The following COL25A1 variants were observed in gnomAD, a reference collection of about 807,000 sequenced individuals.
COL25A1 encodes the protein collagen type XXV alpha 1 chain.
A neutral mutation model predicts 128.4 loss-of-function variants in COL25A1; 103 were observed. The observed-to-expected ratio is 0.80, with a 90% CI of 0.68 to 0.94. COL25A1 has a LOEUF of 0.94. Among genes scored for constraint, COL25A1 ranks in the 40% least tolerant of loss-of-function variants. The pLI is 0.00. For synonymous variants in COL25A1, 279 were observed against 277.2 expected (o/e 1.01, Z -0.06); for missense variants, 745 against 840.0 (o/e 0.89, Z 1.40).
At chr4:109,127,058 G>A (rs1768691330) in intron 3 of COL25A1, among the ~76,000 whole-genome samples, 2 of 152,142 alleles carry the variant, frequency 1.3e-5, no homozygotes, top group African/African-American at 4.8e-5. Flanking sequence ...TCAGAAGAGT[G>A]AATAAGAATT....
intron 8 of COL25A1, among the ~76,000 whole-genome samples, chr4:108,970,325 C>T (rs1464236518): frequency 2.0e-5 from 3 of 152,174 alleles, no homozygotes; most frequent in Non-Finnish European, 2.9e-5. Flanking sequence ...ATTCAAAATG[C>T]TCCATAATAT....
At chr4:109,073,456 C>A (rs769034946) in intron 3 of COL25A1, among the ~76,000 whole-genome samples, 9 of 152,136 alleles carry the variant, frequency 5.9e-5, no homozygotes, top group Non-Finnish European at 1.2e-4. Context: ...TGTATTTACT[C>A]AAAAATAATA....
At chr4:108,987,628 C>T (rs994404493) in intron 6 of COL25A1, among the ~76,000 whole-genome samples, 2 of 152,166 alleles carry the variant, frequency 1.3e-5, no homozygotes, top group Admixed American at 6.5e-5. Flanking sequence ...CCCGCCTCTG[C>T]GTCCCAAAGT....
At chr4:109,032,994 T>C (rs1435554556) in intron 5 of COL25A1, among the ~76,000 whole-genome samples, 1 of 152,186 alleles carries the variant, frequency 6.6e-6, no homozygotes, top group Non-Finnish European at 1.5e-5. Context: ...GTATTAATAA[T>C]TGGTGTGCAC....
chr4:109,291,373 T>A (rs899725318), intron 3 of COL25A1, among the ~76,000 whole-genome samples: 2 of 152,138 alleles, frequency 1.3e-5, no homozygotes, highest in African/African-American at 2.4e-5. Context: ...TATGTGCAAT[T>A]CATGTATTCT....
chr4:109,211,445 C>A (rs1777554457), intron 3 of COL25A1, among the ~76,000 whole-genome samples: 1 of 110,282 alleles, frequency 9.1e-6, no homozygotes, highest in South Asian at 2.8e-4. Flanking sequence ...TCACTCTGAG[C>A]CTTCCTTAAT....
chr4:108,850,671 C>T (rs140486048), intron 26 of COL25A1, among the ~76,000 whole-genome samples: 2 of 152,162 alleles, frequency 1.3e-5, no homozygotes, highest in East Asian at 1.9e-4. Context: ...ATAATTGTAC[C>T]TTTACTTGCC....
chr4:109,086,881 T>G (rs553071801), intron 3 of COL25A1, among the ~76,000 whole-genome samples: 1 of 152,194 alleles, frequency 6.6e-6, no homozygotes, highest in Admixed American at 6.5e-5. Flanking sequence ...CCCACAGCAT[T>G]ATCAAAATAC....
At position 109,236,239 on chromosome 4, in the gene COL25A1, T is replaced by C. The variant is rs185685861; in HGVS notation, c.367+64344A>G. On this transcript the variant is annotated intron_variant, in intron 3 of 37. Coordinates refer to ENST00000399132, the MANE Select transcript of COL25A1 (RefSeq NM_198721.4). ...TCACTTTAAATTAGAAGCTCCCATA[T>C]GCATTTAAAACATTTAATTTATAAA... is the stretch of plus-strand genomic sequence containing the variant. Among the ~76,000 whole-genome samples, 1,103 of 152,218 alleles carry C rather than the reference T, an allele frequency of 7.2e-3. 19 individuals carry two copies. Among genetic ancestry groups the C allele is most frequent in the African/African-American group, 0.025 (1,046 of 41,568 alleles).
intron 3 of COL25A1, among the ~76,000 whole-genome samples, chr4:109,100,664 T>G (rs1765812496): frequency 6.6e-6 from 1 of 152,192 alleles, no homozygotes. Context: ...AATCTCTTCT[T>G]TAACACCTTT....
At position 108,810,813 on chromosome 4, in the gene COL25A1, C is replaced by A. The variant is rs117649889; in HGVS notation, c.*3114G>T. 1 of 151,818 alleles carries A rather than the reference C, an allele frequency of 6.6e-6. No individual in the cohort carries two copies. The highest frequency in any genetic ancestry group is 2.4e-5 in the African/African-American group (1 of 41,356). The allele number at this position is 151,818 out of a possible 1,614,324, so 9.4% of individuals were successfully genotyped here. ...ACCATAATTATAGCAAATTCATGAA[C>A]TTTAAAAATAAAATAACACACTAAT... On this transcript the variant is annotated 3_prime_UTR_variant, in exon 38 of 38. Coordinates refer to ENST00000399132, the MANE Select transcript of COL25A1 (RefSeq NM_198721.4).
chr4:109,102,194 C>T (rs1037116543), intron 3 of COL25A1, among the ~76,000 whole-genome samples: 1 of 151,994 alleles, frequency 6.6e-6, no homozygotes, highest in Non-Finnish European at 1.5e-5. Context: ...ATGTATTTTA[C>T]ATGTAAAATA....
chr4:108,838,169 C>T, intron 31 of COL25A1: 3 of 1,550,226 alleles, frequency 1.9e-6, no homozygotes, highest in Non-Finnish European at 2.6e-6. Flanking sequence ...CCATTTAACC[C>T]TGGTTCACCC....
chr4:109,071,617 C>T (rs1471624049), intron 3 of COL25A1, among the ~76,000 whole-genome samples: 1 of 152,034 alleles, frequency 6.6e-6, no homozygotes, highest in Non-Finnish European at 1.5e-5. Context: ...AACAAACAAC[C>T]CCATCAAAAA....
intron 6 of COL25A1, among the ~76,000 whole-genome samples, chr4:109,002,864 C>G (rs753669856): frequency 1.4e-4 from 22 of 151,974 alleles, no homozygotes; most frequent in Non-Finnish European, 3.1e-4. Flanking sequence ...CTGCACCTAT[C>G]AACCCATTAT....
chr4:109,224,906 C>T (rs1278616645), intron 3 of COL25A1, among the ~76,000 whole-genome samples: 4 of 152,164 alleles, frequency 2.6e-5, no homozygotes, highest in Non-Finnish European at 4.4e-5. Flanking sequence ...CGCCATTGGA[C>T]GCCAGCCTGG....
At position 108,899,163 on chromosome 4, in the gene COL25A1, T is replaced by C; in HGVS notation, c.852A>G (p.Gln284=). The C allele has an allele frequency of 6.2e-7, 1 of 1,609,812 alleles. No homozygotes were observed. Among genetic ancestry groups the C allele is most frequent in the South Asian group, 1.1e-5 (1 of 89,862 alleles). Reference sequence around the variant, plus strand: ...GCAGAATCATTCTTACCTTTTCACCTTGTTCTCCAGGTTCTCCCTGAGCAA... The same window carrying C: ...GCAGAATCATTCTTACCTTTTCACCCTGTTCTCCAGGTTCTCCCTGAGCAA... ...IPGPKGEPGE[Q]GEKGDAGENG... Residue 284 remains glutamine (Q), a synonymous_variant, in exon 15 of 38, where the codon CAA becomes CAG. Coordinates refer to ENST00000399132, the MANE Select transcript of COL25A1 (RefSeq NM_198721.4).
chr4:109,065,567 T>C (rs939994744), intron 3 of COL25A1, among the ~76,000 whole-genome samples: 6 of 151,802 alleles, frequency 4.0e-5, no homozygotes, highest in African/African-American at 1.5e-4. Context: ...TGTGTGTGTG[T>C]GTGTGTGTGT....
chr4:108,859,701 G>A lies in COL25A1; in HGVS notation c.1275C>T (p.Ala425=). 1 of 1,613,832 alleles carries A rather than the reference G, an allele frequency of 6.2e-7. No homozygotes were observed. Among genetic ancestry groups the A allele is most frequent in the Admixed American group, 1.7e-5 (1 of 59,970 alleles). ...GPPGQKGDQG[A]TEIIDYNGNL... is the part of the protein sequence containing the mutation. The stretch of plus-strand genomic sequence containing the variant: ...TGCCGTTGTAGTCTATGATCTCAGT[G>A]GCTCCTTGATCCCCTTTTTGACCAG... Residue 425 remains alanine (A), a synonymous_variant, in exon 24 of 38, where the codon GCC becomes GCT. Coordinates refer to ENST00000399132, the MANE Select transcript of COL25A1 (RefSeq NM_198721.4).
Sources: allele counts gnomAD v4.1 joint callset (sites outside exome capture counted in the v4.1 genomes callset), GRCh38; gene constraint gnomAD v4.1.1; transcripts MANE v1.5; gene names NCBI Gene and HGNC (gene_info 2026-07-23, HGNC 2026-07-21).